Variants in RASGRF2 observed in about 807,000 individuals in gnomAD.
RASGRF2 encodes ras-specific guanine nucleotide-releasing factor 2.
Under a neutral mutation model 151.0 loss-of-function variants are expected in RASGRF2, and 76 were observed. That is an observed-to-expected ratio of 0.50 (90% confidence interval 0.42 to 0.61). The LOEUF (loss-of-function observed/expected upper bound fraction) is 0.61, where lower values mean the gene tolerates loss of function less well. Among genes scored for constraint, RASGRF2 ranks in the 20% least tolerant of loss-of-function variants. RASGRF2 has a pLI of 0.00. For missense variants in RASGRF2, 1,148 were observed against 1,564.6 expected (o/e 0.73, Z 4.49); for synonymous variants, 504 against 566.5 (o/e 0.89, Z 1.57).
Position 81,225,925 on chromosome 5 carries a change from A to G in RASGRF2, c.*155A>G. ...ACTGGAATTCTGTCTCCAGAGAGAA[A>G]CCCAGCTGTTTGGGTCAAAGACAGA... is the stretch of plus-strand genomic sequence containing the variant. On this transcript the variant is annotated 3_prime_UTR_variant, in exon 27 of 27. Coordinates refer to ENST00000265080, the MANE Select transcript of RASGRF2 (RefSeq NM_006909.3). 1 of 795,452 alleles carries G rather than the reference A, an allele frequency of 1.3e-6. No homozygotes were observed. The highest frequency in any genetic ancestry group is 1.8e-6 in the Non-Finnish European group (1 of 553,086). The allele number at this position is 795,452 out of a possible 1,614,324, so 49.3% of individuals were successfully genotyped here.
chr5:81,150,621 T>C (rs909718247), intron 17 of RASGRF2, among the ~76,000 whole-genome samples: 3 of 152,182 alleles, frequency 2.0e-5, no homozygotes, highest in African/African-American at 7.2e-5. Context: ...TGTGCATGCA[T>C]GTATGTGCAC....
chr5:81,080,454 C>T (rs1752054642), intron 6 of RASGRF2, 142 bp from the exon 7 acceptor site: 1 of 1,059,786 alleles, frequency 9.4e-7, no homozygotes, highest in Non-Finnish European at 1.4e-6. Flanking sequence ...TGCATTCTAC[C>T]AGATCATCAT....
At chr5:81,083,708 A>G (rs955096115) in intron 7 of RASGRF2, among the ~76,000 whole-genome samples, 2 of 152,152 alleles carry the variant, frequency 1.3e-5, no homozygotes, top group African/African-American at 4.8e-5. Flanking sequence ...TCAGCTGCTC[A>G]TGTATTTATT....
At chr5:81,106,332 C>A (rs73766191) in intron 12 of RASGRF2, among the ~76,000 whole-genome samples, 1,681 of 152,164 alleles carry the variant, frequency 0.011, 28 homozygotes, top group African/African-American at 0.038. Context: ...AGGTATGAAT[C>A]ATTTCATTTA....
intron 5 of RASGRF2, 85 bp downstream of exon 5, chr5:81,073,537 C>G: frequency 7.2e-7 from 1 of 1,384,522 alleles, no homozygotes; most frequent in Non-Finnish European, 9.7e-7. Context: ...TTAAAAGGGT[C>G]TCATAAATTC....
chr5:81,176,005 G>C (rs1754766542), intron 17 of RASGRF2, among the ~76,000 whole-genome samples: 1 of 152,078 alleles, frequency 6.6e-6, no homozygotes, highest in Non-Finnish European at 1.5e-5. Flanking sequence ...TGTAAAAGGG[G>C]GTGCTGTATA....
chr5:81,040,909 A>G (rs748309593), intron 1 of RASGRF2, among the ~76,000 whole-genome samples: 4 of 152,194 alleles, frequency 2.6e-5, no homozygotes, highest in Non-Finnish European at 4.4e-5. Context: ...TGGAAGCACT[A>G]TTAGTTTTTC....
chr5:81,030,806 A>C (rs1244680783), intron 1 of RASGRF2, among the ~76,000 whole-genome samples: 2 of 152,182 alleles, frequency 1.3e-5, no homozygotes, highest in South Asian at 2.1e-4. Flanking sequence ...AACAATATTC[A>C]CCTTAAATGT....
Position 81,112,698 on chromosome 5 carries a change from A to G in RASGRF2, c.1927A>G (p.Ser643Gly). 6.2e-7 allele frequency: 1 copy of G among 1,614,208 alleles called. No individual in the cohort carries two copies. Among genetic ancestry groups the G allele is most frequent in the Non-Finnish European group, 8.5e-7 (1 of 1,180,032 alleles). ...SCKVPQIRYA[S>G]VERLLERLTD... Reference sequence around the variant, plus strand: ...CAAAGTGCCCCAGATCCGTTATGCCAGCGTGGAGCGCCTCTTGGAACGACT... The same window carrying G: ...CAAAGTGCCCCAGATCCGTTATGCCGGCGTGGAGCGCCTCTTGGAACGACT... Residue 643 changes from serine to glycine, a missense_variant, in exon 14 of 27, where the codon AGC (serine) becomes GGC (glycine). Ser to Gly is a moderately conservative substitution (Grantham distance 56). Coordinates refer to ENST00000265080, the MANE Select transcript of RASGRF2 (RefSeq NM_006909.3).
chr5:81,212,416 C>G lies in RASGRF2; in HGVS notation c.3207C>G (p.Ser1069=), dbSNP rs1451730384. ...TAATGAACTATGCTGATGTCAGCTC[C>G]CGTGCCAACGCCATCGAGAAATGGG... ...SQIMNYADVS[S]RANAIEKWVA... Residue 1069 remains serine, a synonymous_variant, in exon 23 of 27, where the codon TCC becomes TCG. Transcript: ENST00000265080. 1.2e-6 allele frequency: 2 copies of G among 1,613,942 alleles called. No individual in the cohort carries two copies. The highest frequency in any genetic ancestry group is 1.7e-6 in the Non-Finnish European group (2 of 1,179,886).
At chr5:81,180,077 T>C in intron 17 of RASGRF2, 98 bp from the exon 18 acceptor site, 1 of 694,936 alleles carries the variant, frequency 1.4e-6, no homozygotes, top group Admixed American at 2.0e-5. Context: ...GTGTCATCTG[T>C]GAGTTTCGTT....
chr5:81,095,058 T>G (rs1189063619), intron 12 of RASGRF2, 66 bp downstream of exon 12: 1 of 1,203,786 alleles, frequency 8.3e-7, no homozygotes, highest in African/African-American at 1.6e-5. Context: ...TTGGAGATAG[T>G]TTTTAGAGGT....
In RASGRF2 at chr5:81,139,385, TTTTCTTTC is replaced by T. The variant is rs145846253; in HGVS notation, c.2686+12238_2686+12245del. Among the ~76,000 whole-genome samples, 22 of 132,850 alleles carry T rather than the reference TTTTCTTTC, an allele frequency of 1.7e-4. 1 individual carries two copies. The highest frequency in any genetic ancestry group is 4.5e-4 in the African/African-American group (17 of 38,116). The allele number at this position is 132,850 out of a possible 152,430, so 87.2% of individuals were successfully genotyped here. ...TCCTTTCCAATCTATACGCCTTTCA[TTTTCTTTC>T]TTTCTTTCTTTCTTTTTTTTTTTTT... On this transcript the variant is annotated intron_variant, in intron 17 of 26. Transcript: ENST00000265080.
At chr5:81,006,429 A>G (rs566096267) in intron 1 of RASGRF2, among the ~76,000 whole-genome samples, 2 of 152,334 alleles carry the variant, frequency 1.3e-5, no homozygotes, top group Middle Eastern at 3.4e-3. Context: ...TTGAAAGTGC[A>G]AAGGTGTTTC....
intron 17 of RASGRF2, among the ~76,000 whole-genome samples, chr5:81,157,304 C>T (rs938085890): frequency 2.7e-5 from 4 of 148,932 alleles, no homozygotes; most frequent in East Asian, 2.0e-4. Context: ...TGCAGTGAGC[C>T]GAGATCGCGC....
intron 2 of RASGRF2, among the ~76,000 whole-genome samples, chr5:81,046,146 T>C (rs779565835): frequency 1.4e-4 from 21 of 152,208 alleles, no homozygotes; most frequent in Non-Finnish European, 2.9e-4. Flanking sequence ...AATCCTCCTG[T>C]AGATGCCACT....
At chr5:81,067,752 A>G (rs181479208) in intron 2 of RASGRF2, among the ~76,000 whole-genome samples, 128 of 152,336 alleles carry the variant, frequency 8.4e-4, no homozygotes, top group African/African-American at 2.9e-3. Flanking sequence ...TAAAACTATT[A>G]CAATTTCTTT....
At chr5:81,159,810 A>C (rs1031519080) in intron 17 of RASGRF2, among the ~76,000 whole-genome samples, 4 of 152,008 alleles carry the variant, frequency 2.6e-5, no homozygotes, top group Non-Finnish European at 5.9e-5. Flanking sequence ...TATTATTCTC[A>C]TTTTATCTTC....
intron 17 of RASGRF2, among the ~76,000 whole-genome samples, chr5:81,131,431 T>C (rs1425932822): frequency 1.3e-5 from 2 of 152,142 alleles, no homozygotes; most frequent in African/African-American, 2.4e-5. Flanking sequence ...CTTGGCTCAC[T>C]GAAACCTCTG....
Sources: allele counts gnomAD v4.1 joint callset (sites outside exome capture counted in the v4.1 genomes callset), GRCh38; gene constraint gnomAD v4.1.1; transcripts MANE v1.5; gene names NCBI Gene and HGNC (gene_info 2026-07-23, HGNC 2026-07-21).